Variants in ITPR2 observed in about 807,000 individuals in gnomAD.
ITPR2 encodes the protein inositol 1,4,5-trisphosphate receptor type 2, also known as inositol 1,4,5-trisphosphate-gated calcium channel ITPR2.
Under a neutral mutation model 317.1 loss-of-function variants are expected in ITPR2, and 207 were observed. The ratio of observed to expected loss-of-function variants is 0.65; its 90% CI spans 0.58 to 0.73. The LOEUF (loss-of-function observed/expected upper bound fraction) is 0.73, where lower values mean the gene tolerates loss of function less well. Among genes scored for constraint, ITPR2 ranks in the 30% least tolerant of loss-of-function variants. The pLI is 0.00. For missense variants in ITPR2, 2,613 were observed against 3,284.0 expected (o/e 0.80, Z 4.99); for synonymous variants, 1,156 against 1,149.1 (o/e 1.01, Z -0.12).
chr12:26,585,624 C>T (rs1019740053), intron 32 of ITPR2, among the ~76,000 whole-genome samples: 5 of 152,036 alleles, frequency 3.3e-5, no homozygotes, highest in African/African-American at 1.2e-4. Flanking sequence ...AGGCTGGTCT[C>T]GAACTCCTGG....
chr12:26,827,242 C>T (rs1951021170), intron 1 of ITPR2, among the ~76,000 whole-genome samples: 1 of 151,972 alleles, frequency 6.6e-6, no homozygotes, highest in South Asian at 2.1e-4. Context: ...TTAGGAAATA[C>T]AAAGCAGGCC....
chr12:26,523,752 T>C lies in ITPR2; in HGVS notation c.5073+26495A>G, dbSNP rs114183729. The stretch of plus-strand genomic sequence containing the variant: ...GCTAATCAACCCATTTGCTTTCTAC[T>C]GTAGAGCAGTAAAAGCTTATCTCAT... On this transcript the variant is annotated intron_variant, in intron 37 of 56. Transcript: ENST00000381340. 5.7e-3 allele frequency among the ~76,000 whole-genome samples: 875 copies of C among 152,344 alleles called. 11 individuals carry two copies. Among genetic ancestry groups the C allele is most frequent in the African/African-American group, 0.02 (832 of 41,576 alleles).
chr12:26,624,478 C>A, intron 23 of ITPR2, 122 bp from the exon 24 acceptor site: 1 of 652,446 alleles, frequency 1.5e-6, no homozygotes, highest in Non-Finnish European at 2.7e-6. Flanking sequence ...GACCAAAAGT[C>A]AATTAACACT....
intron 37 of ITPR2, 58 bp downstream of exon 37, chr12:26,550,189 T>TACAGTATA: frequency 1.5e-6 from 1 of 687,194 alleles, no homozygotes; most frequent in Non-Finnish European, 2.5e-6. Flanking sequence ...ATTCATAGGT[T>TACAGTATA]ACAGTATTGG....
chr12:26,627,854 T>A (rs1052854811), intron 23 of ITPR2, among the ~76,000 whole-genome samples, 179 bp downstream of exon 23: 1 of 152,030 alleles, frequency 6.6e-6, no homozygotes, highest in East Asian at 1.9e-4. Context: ...CAAACCAACA[T>A]GGCACGTGTA....
rs139967767 is a variant in ITPR2 at position 26,606,070 on chromosome 12, T to G, written c.3463-3364A>C. ...TACAATGCTTTACATTCTATAAACT[T>G]TAGCCCTACATCACTGGCCTAATCT... On this transcript the variant is annotated intron_variant, in intron 26 of 56. Coordinates refer to ENST00000381340, the MANE Select transcript of ITPR2 (RefSeq NM_002223.4). 6.8e-3 allele frequency among the ~76,000 whole-genome samples: 1,032 copies of G among 152,314 alleles called. 7 individuals carry two copies. The highest frequency in any genetic ancestry group is 0.014 in the South Asian group (66 of 4,820).
At chr12:26,594,559 C>T (rs917422694) in intron 32 of ITPR2, among the ~76,000 whole-genome samples, 22 of 152,074 alleles carry the variant, frequency 1.4e-4, no homozygotes, top group Non-Finnish European at 1.6e-4. Context: ...AAGCTACTAG[C>T]ACTCAGGAAT....
intron 21 of ITPR2, among the ~76,000 whole-genome samples, chr12:26,651,788 C>G (rs1188461612): frequency 6.6e-6 from 1 of 152,214 alleles, no homozygotes; most frequent in African/African-American, 2.4e-5. Flanking sequence ...CTGTCAGAGT[C>G]ATGAAGTGCA....
At chr12:26,636,554 G>A (rs918930002) in intron 21 of ITPR2, among the ~76,000 whole-genome samples, 2 of 152,008 alleles carry the variant, frequency 1.3e-5, no homozygotes, top group Admixed American at 1.3e-4. Flanking sequence ...ATAAAAAGTT[G>A]GGTCTCATTA....
intron 1 of ITPR2, among the ~76,000 whole-genome samples, chr12:26,799,347 GATTTA>G (rs1026339256): frequency 6.6e-6 from 1 of 152,180 alleles, no homozygotes; most frequent in Non-Finnish European, 1.5e-5. Context: ...CTGACCAAAT[GATTTA>G]ATTTAACTAT....
At chr12:26,659,994 T>C (rs1220546503) in intron 15 of ITPR2, among the ~76,000 whole-genome samples, 2 of 152,176 alleles carry the variant, frequency 1.3e-5, no homozygotes, top group African/African-American at 2.4e-5. Flanking sequence ...GCCCAATAAA[T>C]GTTTCTTGAA....
intron 10 of ITPR2, among the ~76,000 whole-genome samples, chr12:26,691,913 A>G (rs1948248267): frequency 6.6e-6 from 1 of 152,084 alleles, no homozygotes. Flanking sequence ...ACCGCACACA[A>G]CACTGCCATT....
At chr12:26,560,870 G>GA (rs577292607) in intron 35 of ITPR2, among the ~76,000 whole-genome samples, 36 of 151,866 alleles carry the variant, frequency 2.4e-4, no homozygotes, top group East Asian at 3.9e-4. Flanking sequence ...CCATTTTGTA[G>GA]AAAAAAAACT....
intron 26 of ITPR2, among the ~76,000 whole-genome samples, chr12:26,605,167 A>C (rs999028566): frequency 6.6e-6 from 1 of 150,398 alleles, no homozygotes; most frequent in Non-Finnish European, 1.5e-5. Flanking sequence ...CTATACATGA[A>C]AGTAAAGCCA....
At chr12:26,377,833 A>G (rs1261504550) in intron 55 of ITPR2, among the ~76,000 whole-genome samples, 1 of 152,178 alleles carries the variant, frequency 6.6e-6, no homozygotes, top group Non-Finnish European at 1.5e-5. Context: ...TCATATCCTT[A>G]ATTCGTTTCC....
chr12:26,362,119 G>A (rs991277961), intron 55 of ITPR2, among the ~76,000 whole-genome samples: 2 of 152,154 alleles, frequency 1.3e-5, no homozygotes, highest in African/African-American at 4.8e-5. Context: ...GGGCTGGAGG[G>A]TGCTGTATTC....
chr12:26,404,351 G>C (rs1940278498), intron 52 of ITPR2, among the ~76,000 whole-genome samples: 1 of 152,194 alleles, frequency 6.6e-6, no homozygotes, highest in Non-Finnish European at 1.5e-5. Flanking sequence ...GGCAAGCAAA[G>C]CATCTCAGAT....
At chr12:26,503,532 G>A (rs945764170) in intron 37 of ITPR2, among the ~76,000 whole-genome samples, 1 of 152,034 alleles carries the variant, frequency 6.6e-6, no homozygotes, top group African/African-American at 2.4e-5. Context: ...GAATGCTCCC[G>A]GCATTGGCAA....
intron 34 of ITPR2, among the ~76,000 whole-genome samples, chr12:26,573,773 A>C (rs966237853): frequency 2.0e-5 from 3 of 152,152 alleles, no homozygotes; most frequent in African/African-American, 7.2e-5. Context: ...GTGTGGATGG[A>C]GCAGAGTTGG....
Sources: gnomAD v4.1 joint callset for allele counts (sites outside exome capture counted in the v4.1 genomes callset) on GRCh38, gnomAD v4.1.1 for gene constraint, MANE v1.5 for transcripts, NCBI Gene and HGNC (gene_info 2026-07-23, HGNC 2026-07-21) for gene names.